The following CYP3A4 variants were observed in gnomAD, a reference collection of about 807,000 sequenced individuals.
The protein encoded by CYP3A4 is cytochrome P450 3A4.
In CYP3A4, 41 loss-of-function variants were observed where a neutral mutation model predicts 54.9. The observed-to-expected ratio is 0.75, with a 90% CI of 0.58 to 0.97. The LOEUF (loss-of-function observed/expected upper bound fraction) is 0.97. Ranked by LOEUF, CYP3A4 falls within the 50% of genes least tolerant of loss-of-function variation. The pLI, the probability that CYP3A4 is intolerant of heterozygous loss-of-function variation, is 0.00. For synonymous variants in CYP3A4, 179 were observed against 205.2 expected (o/e 0.87, Z 1.09); for missense variants, 510 against 597.3 (o/e 0.85, Z 1.52).
chr7:99,763,945 A>G lies in CYP3A4; in HGVS notation c.936T>C (p.Ser312=). 1 of 1,614,006 alleles carries G rather than the reference A, an allele frequency of 6.2e-7. No homozygotes were observed. ...GTTCATACATAATGAAGGAGAGAAC[A>G]CTGCTCGTGGTTTCATAGCCAGCAA... is the stretch of plus-strand genomic sequence containing the variant. The part of the protein sequence containing the change: ...FIFAGYETTS[S]VLSFIMYELA... The change falls in exon 10 of 13, where the codon AGT becomes AGC. Residue 312 remains serine (S), a synonymous_variant. Transcript: ENST00000651514.
chr7:99,760,809 A>G lies in CYP3A4; in HGVS notation c.1416+10T>C, dbSNP rs754123285. The G allele has an allele frequency of 6.2e-7, 1 of 1,613,434 alleles. No homozygotes were observed. ...TAATACAACATTATTTTTATAGAAA[A>G]TTGACTAACCTGTGTTTCTTTACAA... On this transcript the variant is annotated intron_variant, in intron 12 of 12. Transcript: ENST00000651514.
At chr7:99,765,790 C>T (rs1019065033) in intron 9 of CYP3A4, among the ~76,000 whole-genome samples, 5 of 152,122 alleles carry the variant, frequency 3.3e-5, no homozygotes, top group Admixed American at 6.6e-5. Flanking sequence ...GATATTTACA[C>T]GGTCTCAGAG....
intron 11 of CYP3A4, 107 bp downstream of exon 11, chr7:99,761,934 C>G (rs1421196724): frequency 2.0e-6 from 2 of 1,018,786 alleles, no homozygotes. Context: ...TATAAAAATA[C>G]AAGCAAATAA....
At chr7:99,762,390 G>A in intron 10 of CYP3A4, 123 bp from the exon 11 acceptor site, 3 of 1,317,598 alleles carry the variant, frequency 2.3e-6, no homozygotes, top group Non-Finnish European at 3.1e-6. Flanking sequence ...AAGGATCGAA[G>A]CATTTATAAA....
At chr7:99,782,916 G>A (rs1815962661) in intron 1 of CYP3A4, among the ~76,000 whole-genome samples, 1 of 152,158 alleles carries the variant, frequency 6.6e-6, no homozygotes, top group African/African-American at 2.4e-5. Flanking sequence ...CTGGAAAGGT[G>A]AGGTTATTTT....
rs1815203674 is a variant in CYP3A4, at chr7:99,757,445, CAGGCGTG to C, written c.*681_*687del. 6.6e-6 allele frequency: 1 copy of C among 152,462 alleles called. No homozygotes were observed. Among genetic ancestry groups the C allele is most frequent in the Non-Finnish European group, 1.5e-5 (1 of 68,238 alleles). The allele number at this position is 152,462 out of a possible 1,614,324, so 9.4% of individuals were successfully genotyped here. A position where few individuals can be genotyped will look rare whatever the true frequency, so the allele number is the denominator to read the frequency against. On this transcript the variant is annotated 3_prime_UTR_variant, in exon 13 of 13. Coordinates refer to ENST00000651514, the MANE Select transcript of CYP3A4 (RefSeq NM_017460.6). The stretch of plus-strand genomic sequence containing the variant: ...TCAGCCTCCCAAACTGCTAGGATTA[CAGGCGTG>C]AGCCACTGTGCCTGATCAAAAAAGG...
intron 3 of CYP3A4, among the ~76,000 whole-genome samples, chr7:99,776,634 T>G (rs371893855): frequency 6.6e-6 from 1 of 151,662 alleles, no homozygotes; most frequent in African/African-American, 2.4e-5. Flanking sequence ...TAAGTAGGAG[T>G]TGAACAATGA....
chr7:99,781,150 C>A (rs1815912978), intron 1 of CYP3A4, among the ~76,000 whole-genome samples: 1 of 152,076 alleles, frequency 6.6e-6, no homozygotes, highest in African/African-American at 2.4e-5. Flanking sequence ...CACCTTCTCC[C>A]CAGCCTCTCT....
At chr7:99,766,343 C>T in intron 9 of CYP3A4, 34 bp downstream of exon 9, 1 of 1,610,300 alleles carries the variant, frequency 6.2e-7, no homozygotes, top group Non-Finnish European at 8.5e-7. Context: ...CCTCTGAGTG[C>T]CCCACAAGTA....
chr7:99,778,131 C>A (rs1450521535), intron 2 of CYP3A4, 51 bp from the exon 3 acceptor site: 1 of 1,452,240 alleles, frequency 6.9e-7, no homozygotes, highest in South Asian at 1.2e-5. Flanking sequence ...ATGTACTTAA[C>A]CCTGCCTCTA....
intron 1 of CYP3A4, among the ~76,000 whole-genome samples, chr7:99,780,554 G>A (rs1266478388): frequency 6.6e-6 from 1 of 152,174 alleles, no homozygotes; most frequent in Admixed American, 6.5e-5. Flanking sequence ...GGGTCACTGA[G>A]AGCCTATGGT....
In CYP3A4 at chr7:99,768,269, A is replaced by C. The variant is rs28988584; in HGVS notation, c.670+85T>G. 1.8e-3 allele frequency: 2,517 copies of C among 1,370,774 alleles called. 37 individuals are homozygous for C. In the African/African-American group the frequency reaches 0.032, roughly 18 times the overall value. The allele number at this position is 1,370,774 out of a possible 1,614,324, so 84.9% of individuals were successfully genotyped here. On this transcript the variant is annotated intron_variant, in intron 7 of 12. Transcript: ENST00000651514. ...TCACTGAACTGTATATTTTAAGTGG[A>C]TGAATTACATGGTGATTTATATCTC...
At position 99,760,925 on chromosome 7, in the gene CYP3A4, C is replaced by G. The variant is rs1393894592; in HGVS notation, c.1310G>C (p.Ser437Thr). 17 of 1,614,002 alleles carry G rather than the reference C, an allele frequency of 1.1e-5. No homozygotes were observed. The highest frequency in any genetic ancestry group is 1.7e-5 in the Admixed American group (1 of 60,008). ...CATGCCAATGCAGTTTCTGGGTCCA[C>G]TTCCAAAGGGTGTGTATATGTAAGG... The part of the protein sequence containing the change: ...IDPYIYTPFG[S>T]GPRNCIGMRF... The change falls in exon 12 of 13, where the codon AGT becomes ACT. Residue 437 changes from serine to threonine, a missense_variant. Around this residue, in one of 2 missense-constraint regions of CYP3A4, gnomAD observed 238 missense variants for 322.5 expected, o/e 0.74. Coordinates refer to ENST00000651514, the MANE Select transcript of CYP3A4 (RefSeq NM_017460.6).
chr7:99,767,014 G>C (rs1815491720), intron 8 of CYP3A4, 117 bp downstream of exon 8: 1 of 937,294 alleles, frequency 1.1e-6, no homozygotes, highest in South Asian at 1.7e-5. Flanking sequence ...AACATGAGCA[G>C]TCTTCATGTT....
At chr7:99,781,184 A>T (rs1231085096) in intron 1 of CYP3A4, among the ~76,000 whole-genome samples, 6 of 152,220 alleles carry the variant, frequency 3.9e-5, no homozygotes, top group African/African-American at 1.2e-4. Context: ...GCCATGTAAG[A>T]TCTGTCTGCT....
At chr7:99,762,849 G>A (rs1815375342) in intron 10 of CYP3A4, among the ~76,000 whole-genome samples, 1 of 152,086 alleles carries the variant, frequency 6.6e-6, no homozygotes, top group Non-Finnish European at 1.5e-5. Flanking sequence ...TTCAGGGCTG[G>A]ACTGTAATCT....
intron 1 of CYP3A4, among the ~76,000 whole-genome samples, chr7:99,781,560 C>G (rs1815925264): frequency 6.6e-6 from 1 of 152,112 alleles, no homozygotes; most frequent in Non-Finnish European, 1.5e-5. Context: ...CCTTCCCAGT[C>G]TGATGTTACT....
intron 1 of CYP3A4, among the ~76,000 whole-genome samples, chr7:99,780,605 C>A (rs1000383193): frequency 6.6e-6 from 1 of 152,186 alleles, no homozygotes; most frequent in African/African-American, 2.4e-5. Context: ...TTTATGCTTT[C>A]CCTTCCCTCT....
chr7:99,759,111 C>T (rs1719521962), intron 12 of CYP3A4, among the ~76,000 whole-genome samples: 1 of 152,128 alleles, frequency 6.6e-6, no homozygotes, highest in Admixed American at 6.5e-5. Flanking sequence ...TGTCTGGGCA[C>T]ATATAATACA....
Sources: gnomAD v4.1 joint callset for allele counts (sites outside exome capture counted in the v4.1 genomes callset) on GRCh38, gnomAD v4.1.1 for gene constraint, gnomAD v4.1.1 regional missense constraint, MANE v1.5 for transcripts, NCBI Gene and HGNC (gene_info 2026-07-23, HGNC 2026-07-21) for gene names.